Variants in DGKD observed in about 807,000 individuals in gnomAD.
DGKD encodes the protein DAG kinase delta.
Under a neutral mutation model 154.4 loss-of-function variants are expected in DGKD, and 68 were observed. The observed-to-expected ratio is 0.44, with a 90% CI of 0.36 to 0.54. The LOEUF is 0.54. DGKD is among the 20% of genes least tolerant of loss of function. The pLI, the probability that DGKD is intolerant of heterozygous loss-of-function variation, is 0.00. For synonymous variants in DGKD, 693 were observed against 638.0 expected (o/e 1.09, Z -1.30); for missense variants, 1,343 against 1,593.6 (o/e 0.84, Z 2.68).
At chr2:233,462,770 C>T (rs2124944316) in intron 26 of DGKD, 35 bp downstream of exon 26, 1 of 1,589,308 alleles carries the variant, frequency 6.3e-7, no homozygotes. Flanking sequence ...AGGGCTCGGG[C>T]TGTGTGTGAA....
At chr2:233,466,527 C>T (rs1319042122) in intron 27 of DGKD, among the ~76,000 whole-genome samples, 4 of 152,134 alleles carry the variant, frequency 2.6e-5, no homozygotes, top group African/African-American at 9.7e-5. Context: ...GTGTTACCTC[C>T]GTGCATCTCA....
chr2:233,455,090 A>G (rs553932142), intron 19 of DGKD, among the ~76,000 whole-genome samples: 1 of 152,358 alleles, frequency 6.6e-6, no homozygotes, highest in African/African-American at 2.4e-5. Context: ...GAAATTCAAC[A>G]TCGGAAAACC....
rs1391917586 is a variant in DGKD, at chr2:233,449,738, T to G, written c.1889-244T>G. 1.3e-5 allele frequency among the ~76,000 whole-genome samples: 2 copies of G among 152,126 alleles called. No individual in the cohort carries two copies. The highest frequency in any genetic ancestry group is 1.3e-4 in the Admixed American group (2 of 15,288). ...CCCTCCAGCCTGCGCCAGGCTCCTC[T>G]GCATCCCTTGCCTTCCCCTGCAAGG... is the stretch of plus-strand genomic sequence containing the variant. On this transcript the variant is annotated intron_variant, in intron 15 of 29. Coordinates refer to ENST00000264057, the MANE Select transcript of DGKD (RefSeq NM_152879.3). This position sits in a 1 kb window ranked among gnomAD's most constrained non-coding sequence, Gnocchi z 5.3.
chr2:233,400,723 G>A (rs1483087971), intron 3 of DGKD, among the ~76,000 whole-genome samples: 2 of 152,108 alleles, frequency 1.3e-5, no homozygotes, highest in South Asian at 2.1e-4. Flanking sequence ...CTCATGGGCA[G>A]GGCTGCTTGC....
intron 3 of DGKD, among the ~76,000 whole-genome samples, chr2:233,421,937 A>G (rs2062131025): frequency 6.6e-6 from 1 of 152,248 alleles, no homozygotes; most frequent in Non-Finnish European, 1.5e-5. Flanking sequence ...AAGATAGCAC[A>G]GGAGAGAGGA....
chr2:233,443,461 G>C (rs2062963538), intron 10 of DGKD, among the ~76,000 whole-genome samples: 1 of 151,928 alleles, frequency 6.6e-6, no homozygotes, highest in African/African-American at 2.4e-5. Flanking sequence ...CATCCTTTTT[G>C]GGGGGTGGTC....
intron 9 of DGKD, among the ~76,000 whole-genome samples, chr2:233,439,383 G>C (rs1465956781): frequency 1.3e-5 from 2 of 152,192 alleles, no homozygotes; most frequent in African/African-American, 2.4e-5. Context: ...TGGTCCTGTG[G>C]GTGTCTTCTG....
intron 1 of DGKD, chr2:233,386,078 G>A: frequency 1.2e-5 from 5 of 433,714 alleles, no homozygotes; most frequent in African/African-American, 4.1e-5. Context: ...TGTGTAGCAG[G>A]AGATGCAAGA....
chr2:233,439,316 G>A (rs2062813079), intron 9 of DGKD, among the ~76,000 whole-genome samples: 1 of 152,164 alleles, frequency 6.6e-6, no homozygotes, highest in Non-Finnish European at 1.5e-5. Context: ...ACCTCGGCCA[G>A]CTCCCTGCGT....
At chr2:233,374,003 A>G (rs1222157767) in intron 1 of DGKD, among the ~76,000 whole-genome samples, 1 of 150,894 alleles carries the variant, frequency 6.6e-6, no homozygotes, top group Non-Finnish European at 1.5e-5. Context: ...ACTCCCCTTT[A>G]TGTCTTTTAG....
chr2:233,444,219 T>C (rs2062991215), intron 10 of DGKD, among the ~76,000 whole-genome samples: 1 of 152,148 alleles, frequency 6.6e-6, no homozygotes, highest in Non-Finnish European at 1.5e-5. Context: ...TCCATCTAGA[T>C]GTCTGAGCCA....
chr2:233,381,173 C>T (rs1351669771), intron 1 of DGKD, among the ~76,000 whole-genome samples: 4 of 152,184 alleles, frequency 2.6e-5, no homozygotes, highest in Admixed American at 6.5e-5. Context: ...TCCTGCTGGC[C>T]GTTGGTGTCA....
chr2:233,414,634 C>T (rs2061913172), intron 3 of DGKD, among the ~76,000 whole-genome samples: 1 of 152,166 alleles, frequency 6.6e-6, no homozygotes, highest in Non-Finnish European at 1.5e-5. Context: ...GGTCCTGGGT[C>T]CTGTGGTACA....
At chr2:233,419,929 C>T (rs1177012749) in intron 3 of DGKD, among the ~76,000 whole-genome samples, 2 of 152,118 alleles carry the variant, frequency 1.3e-5, no homozygotes, top group Non-Finnish European at 2.9e-5. Context: ...CTAAAAGCTC[C>T]CTTCTGAGTG....
At chr2:233,379,440 A>T (rs1277903386) in intron 1 of DGKD, among the ~76,000 whole-genome samples, 1 of 152,198 alleles carries the variant, frequency 6.6e-6, no homozygotes, top group Non-Finnish European at 1.5e-5. Context: ...GCCTTCCTAG[A>T]TGACAAGGAA....
chr2:233,419,324 C>G (rs1235709821), intron 3 of DGKD: 7 of 985,444 alleles, frequency 7.1e-6, no homozygotes, highest in Non-Finnish European at 6.0e-6. Flanking sequence ...AGGCTCTTGC[C>G]CATTGACTTT....
chr2:233,367,893 G>A (rs1168377400), intron 1 of DGKD, among the ~76,000 whole-genome samples: 2 of 126,230 alleles, frequency 1.6e-5, no homozygotes, highest in African/African-American at 6.1e-5. Flanking sequence ...ATCTCCCTAC[G>A]TTAAGCCAGT....
At chr2:233,469,323 G>T in intron 29 of DGKD, 48 bp from the exon 30 acceptor site, 2 of 1,538,220 alleles carry the variant, frequency 1.3e-6, no homozygotes, top group Non-Finnish European at 1.8e-6. Context: ...GAGCCCTCTG[G>T]CCCTGGCTGT....
At position 233,459,287 on chromosome 2, in the gene DGKD, A is replaced by G. The variant is rs1445950739; in HGVS notation, c.2695-470A>G. ...TCTGGTGTCTTCCAGCACTCTGTCT[A>G]CCCTTAGCTGTAGGCTGCTTGAAGT... is the stretch of plus-strand genomic sequence containing the variant. On this transcript the variant is annotated intron_variant, in intron 22 of 29. Coordinates refer to ENST00000264057, the MANE Select transcript of DGKD (RefSeq NM_152879.3). The surrounding 1 kb of genome is among the most constrained non-coding windows in gnomAD (Gnocchi z 5.7). Among the ~76,000 whole-genome samples, 2 of 152,018 alleles carry G rather than the reference A, an allele frequency of 1.3e-5. No homozygotes were observed. The highest frequency in any genetic ancestry group is 2.9e-5 in the Non-Finnish European group (2 of 68,016).
Sources: gnomAD v4.1 joint callset for allele counts (sites outside exome capture counted in the v4.1 genomes callset) on GRCh38, gnomAD v4.1.1 for gene constraint, Gnocchi (gnomAD v3.1) non-coding constraint, MANE v1.5 for transcripts, NCBI Gene and HGNC (gene_info 2026-07-23, HGNC 2026-07-21) for gene names.